The following ZEB2 variants were observed in gnomAD, a reference collection of about 807,000 sequenced individuals.
ZEB2 encodes zinc finger E-box-binding homeobox 2.
In ZEB2, 6 loss-of-function variants were observed where a neutral mutation model predicts 99.9. The ratio of observed to expected loss-of-function variants is 0.06; its 90% confidence interval spans 0.03 to 0.12. ZEB2 has a LOEUF of 0.12. ZEB2 is among the 10% of genes least tolerant of loss of function. The pLI is 1.00. For missense variants in ZEB2, 969 were observed against 1,502.8 expected, an observed-to-expected ratio of 0.64 and a Z score of 5.87; for synonymous variants, 517 against 542.5, an observed-to-expected ratio of 0.95 and a Z score of 0.65.
chr2:144,424,373 T>A, intron 4 of ZEB2: 1 of 518,802 alleles, frequency 1.9e-6, no homozygotes, highest in Non-Finnish European at 3.8e-6. Flanking sequence ...AATTTGTCTT[T>A]CTGAAAAAAA....
intron 2 of ZEB2, among the ~76,000 whole-genome samples, chr2:144,481,650 G>C (rs1704514604): frequency 6.6e-6 from 1 of 152,140 alleles, no homozygotes; most frequent in Admixed American, 6.5e-5. Flanking sequence ...AAAAATTTTT[G>C]ATGTGAAAAA....
chr2:144,424,347 G>A (rs926603518), intron 4 of ZEB2: 2 of 518,366 alleles, frequency 3.9e-6, no homozygotes, highest in Non-Finnish European at 7.7e-6. Context: ...TAATTATTGA[G>A]AGAAATGTTC....
chr2:144,409,226 C>G (rs1703425869), intron 4 of ZEB2, among the ~76,000 whole-genome samples: 1 of 151,938 alleles, frequency 6.6e-6, no homozygotes, highest in African/African-American at 2.4e-5. Context: ...CTAAAATCAC[C>G]CTAACAGTTA....
intron 2 of ZEB2, among the ~76,000 whole-genome samples, chr2:144,432,257 C>T (rs1319040057): frequency 6.6e-6 from 1 of 152,178 alleles, no homozygotes; most frequent in Admixed American, 6.6e-5. Context: ...CAATACTTCA[C>T]AACCTTTAGG....
rs562697096 is a variant in ZEB2 at position 144,477,844 on chromosome 2, AAAGTGGGCATTTCC to A, written c.73+39420_73+39433del. 3.3e-5 allele frequency among the ~76,000 whole-genome samples: 5 copies of A among 152,324 alleles called. No individual in the cohort carries two copies. The South Asian group carries it at 1.0e-3, about 32-fold the overall frequency. Reference sequence around the variant, plus strand: ...TGCTGATGGAGATGAGGAGGCCTGAAAAGTGGGCATTTCCAATAATCTCTGGTGATGAAGGGGTT... The same window carrying A: ...TGCTGATGGAGATGAGGAGGCCTGAAAATAATCTCTGGTGATGAAGGGGTT... On this transcript the variant is annotated intron_variant, in intron 2 of 9. Coordinates refer to ENST00000627532, the MANE Select transcript of ZEB2 (RefSeq NM_014795.4).
chr2:144,395,605 G>A (rs76921244), intron 9 of ZEB2, among the ~76,000 whole-genome samples: 3,137 of 152,098 alleles, frequency 0.021, 112 homozygotes, highest in African/African-American at 0.072. Flanking sequence ...CTACCTTATT[G>A]TTCAGGGAGG....
intron 4 of ZEB2, among the ~76,000 whole-genome samples, chr2:144,411,861 CAGGAGATCTTACATT>C (rs1298252278): frequency 2.6e-5 from 4 of 152,194 alleles, no homozygotes; most frequent in African/African-American, 9.7e-5. Flanking sequence ...CCCTAAACAG[CAGGAGATCTTACATT>C]AGGGGATTTT....
At chr2:144,424,978 C>T in intron 3 of ZEB2, 111 bp from the exon 4 acceptor site, 1 of 1,128,330 alleles carries the variant, frequency 8.9e-7, no homozygotes, top group Non-Finnish European at 1.3e-6. Context: ...AGAGAAAAGG[C>T]TTGTTGTAGA....
Position 144,416,215 on chromosome 2 carries a change from T to C in ZEB2, c.403+8581A>G, listed in dbSNP as rs1703538329. ...AAAGTTTCCTAGTCCCTTTTACCCA[T>C]TCTGATTTTATTTACCTCAGTTCAC... On this transcript the variant is annotated intron_variant, in intron 4 of 9. Coordinates refer to ENST00000627532, the MANE Select transcript of ZEB2 (RefSeq NM_014795.4). Among the ~76,000 whole-genome samples, 2 of 152,228 alleles carry C rather than the reference T, an allele frequency of 1.3e-5. 1 individual carries two copies. The highest frequency in any genetic ancestry group is 4.1e-4 in the South Asian group (2 of 4,832).
intron 2 of ZEB2, among the ~76,000 whole-genome samples, chr2:144,453,388 T>C (rs1704080256): frequency 6.6e-6 from 1 of 152,256 alleles, no homozygotes; most frequent in South Asian, 2.1e-4. Context: ...GATGATCAAA[T>C]CATATTCTTT....
At position 144,385,869 on chromosome 2, in the gene ZEB2, A is replaced by G. The variant is rs1330471834; in HGVS notation, c.*3582T>C. Reference sequence around the variant, plus strand: ...ATTGTGAAAAGTATCTAATACATTTATTCATATTTATTCAAATATAGTCCC... The same window carrying G: ...ATTGTGAAAAGTATCTAATACATTTGTTCATATTTATTCAAATATAGTCCC... On this transcript the variant is annotated 3_prime_UTR_variant, in exon 10 of 10. Coordinates refer to ENST00000627532, the MANE Select transcript of ZEB2 (RefSeq NM_014795.4). 2 of 152,204 alleles carry G rather than the reference A, an allele frequency of 1.3e-5. No homozygotes were observed. The allele number at this position is 152,204 out of a possible 1,614,324, so 9.4% of individuals were successfully genotyped here.
chr2:144,450,466 C>A (rs1573760844), intron 2 of ZEB2: 1 of 152,074 alleles, frequency 6.6e-6, no homozygotes, highest in African/African-American at 2.4e-5. Context: ...TTGGATTATT[C>A]TCTCTAATCA....
chr2:144,442,292 G>A (rs1282555325), intron 2 of ZEB2, among the ~76,000 whole-genome samples: 1 of 152,054 alleles, frequency 6.6e-6, no homozygotes, highest in Non-Finnish European at 1.5e-5. Context: ...TGCTCTTTTA[G>A]TGAAGAAATT....
chr2:144,456,172 G>A (rs1371879176), intron 2 of ZEB2, among the ~76,000 whole-genome samples: 1 of 151,996 alleles, frequency 6.6e-6, no homozygotes, highest in Non-Finnish European at 1.5e-5. Context: ...TGAGGATACA[G>A]TGTGAGCAGT....
chr2:144,453,126 A>G (rs1704076958), intron 2 of ZEB2, among the ~76,000 whole-genome samples: 3 of 152,210 alleles, frequency 2.0e-5, no homozygotes, highest in African/African-American at 7.2e-5. Context: ...TGTTAATACA[A>G]CTAAGGTTAA....
intron 2 of ZEB2, among the ~76,000 whole-genome samples, chr2:144,510,049 A>G (rs906858652): frequency 2.0e-5 from 3 of 152,200 alleles, no homozygotes; most frequent in Non-Finnish European, 4.4e-5. Flanking sequence ...ATCTGAAAAA[A>G]AAGTATGGAG....
At chr2:144,406,932 A>C (rs2149880621) in intron 4 of ZEB2, among the ~76,000 whole-genome samples, 1 of 152,322 alleles carries the variant, frequency 6.6e-6, no homozygotes, top group South Asian at 2.1e-4. Flanking sequence ...GATTTGAGAA[A>C]TACCTAAGAT....
At chr2:144,444,528 C>G (rs1209561219) in intron 2 of ZEB2, among the ~76,000 whole-genome samples, 1 of 152,206 alleles carries the variant, frequency 6.6e-6, no homozygotes, top group African/African-American at 2.4e-5. Context: ...GGGGACCTGG[C>G]CTCTCAGATG....
At chr2:144,481,046 A>G (rs2149914060) in intron 2 of ZEB2, among the ~76,000 whole-genome samples, 1 of 152,210 alleles carries the variant, frequency 6.6e-6, no homozygotes, top group Non-Finnish European at 1.5e-5. Flanking sequence ...CTTTCCTGGC[A>G]TCTACACCTT....
Sources: allele counts gnomAD v4.1 joint callset (sites outside exome capture counted in the v4.1 genomes callset), GRCh38; gene constraint gnomAD v4.1.1; transcripts MANE v1.5; gene names NCBI Gene and HGNC (gene_info 2026-07-23, HGNC 2026-07-21).